The following ASIC2 variants were observed in gnomAD, a reference collection of about 807,000 sequenced individuals.
ASIC2 encodes the protein acid-sensing ion channel 2.
A neutral mutation model predicts 57.3 loss-of-function variants in ASIC2; 25 were observed. The observed-to-expected ratio is 0.44, with a 90% CI of 0.32 to 0.61. The LOEUF is 0.61. Ranked by LOEUF, ASIC2 falls within the 20% of genes least tolerant of loss-of-function variation. The pLI is 0.06. For missense variants in ASIC2, 641 were observed against 738.1 expected (o/e 0.87, Z 1.52); for synonymous variants, 319 against 307.5 (o/e 1.04, Z -0.39).
chr17:33,182,220 G>A (rs541001119), intron 1 of ASIC2, among the ~76,000 whole-genome samples: 2 of 152,274 alleles, frequency 1.3e-5, no homozygotes, highest in South Asian at 4.1e-4. Flanking sequence ...GGAAGGAACA[G>A]CCAATAGGAT....
At chr17:33,141,118 G>A (rs2092386059) in intron 1 of ASIC2, among the ~76,000 whole-genome samples, 2 of 152,182 alleles carry the variant, frequency 1.3e-5, no homozygotes, top group African/African-American at 2.4e-5. Flanking sequence ...TCTCGCATCA[G>A]AGAGTGAGTC....
At chr17:33,840,799 C>CCACACACACACACACACACACACA (rs10525634) in intron 1 of ASIC2, among the ~76,000 whole-genome samples, 5,804 of 147,336 alleles carry the variant, frequency 0.039, 124 homozygotes, top group Admixed American at 0.056. Flanking sequence ...CCTGGACACA[C>CCACACACACACACACACACACACA]CACACACACA....
intron 1 of ASIC2, among the ~76,000 whole-genome samples, chr17:33,524,110 G>C (rs1274769308): frequency 6.6e-6 from 1 of 152,164 alleles, no homozygotes. Flanking sequence ...TGGTGTCCTA[G>C]TCTGGCTGGG....
intron 1 of ASIC2, among the ~76,000 whole-genome samples, chr17:34,052,470 A>T (rs1194423847): frequency 6.6e-6 from 1 of 152,178 alleles, no homozygotes; most frequent in Non-Finnish European, 1.5e-5. Context: ...GGCGACGATT[A>T]CTTTGGACTG....
intron 1 of ASIC2, among the ~76,000 whole-genome samples, chr17:33,892,831 G>T (rs1244616366): frequency 6.6e-6 from 1 of 152,166 alleles, no homozygotes; most frequent in African/African-American, 2.4e-5. Context: ...GCCCCGAGCT[G>T]CCTGTGCTCC....
At chr17:34,068,393 G>T (rs1909253431) in intron 1 of ASIC2, among the ~76,000 whole-genome samples, 1 of 152,172 alleles carries the variant, frequency 6.6e-6, no homozygotes, top group South Asian at 2.1e-4. Context: ...CACCTTAGCA[G>T]GAGGAAGGGA....
chr17:33,330,616 C>G (rs1267341005), intron 1 of ASIC2, among the ~76,000 whole-genome samples: 2 of 152,188 alleles, frequency 1.3e-5, no homozygotes, highest in African/African-American at 2.4e-5. Flanking sequence ...AGACCTGTCT[C>G]TACGACTCTA....
At chr17:33,474,135 G>A (rs1409114524) in intron 1 of ASIC2, among the ~76,000 whole-genome samples, 2 of 152,168 alleles carry the variant, frequency 1.3e-5, no homozygotes, top group Non-Finnish European at 2.9e-5. Context: ...GGGAGGCTGA[G>A]GCAAGCGAAT....
At chr17:33,652,962 G>T (rs1906969188) in intron 1 of ASIC2, among the ~76,000 whole-genome samples, 1 of 152,158 alleles carries the variant, frequency 6.6e-6, no homozygotes. Context: ...CAAGAGATTT[G>T]GAATCCAATT....
At chr17:33,447,907 AG>A (rs1292288298) in intron 1 of ASIC2, among the ~76,000 whole-genome samples, 1 of 136,174 alleles carries the variant, frequency 7.3e-6, no homozygotes, top group Non-Finnish European at 1.6e-5. Flanking sequence ...AGCAAGACTC[AG>A]TCTCAAAAAA....
At chr17:33,465,372 C>CTTTTTTTTT (rs67424466) in intron 1 of ASIC2, among the ~76,000 whole-genome samples, 1 of 88,278 alleles carries the variant, frequency 1.1e-5, no homozygotes, top group African/African-American at 4.4e-5. Context: ...TTTTCTTTTT[C>CTTTTTTTTT]TTTTTTTTTT....
At chr17:33,688,369 TAA>T (rs1329219411) in intron 1 of ASIC2, among the ~76,000 whole-genome samples, 1 of 152,232 alleles carries the variant, frequency 6.6e-6, no homozygotes, top group Non-Finnish European at 1.5e-5. Flanking sequence ...CTACTACCAG[TAA>T]AAGTACTGAA....
chr17:34,131,167 G>GT (rs1323900624), intron 1 of ASIC2, among the ~76,000 whole-genome samples: 1 of 152,094 alleles, frequency 6.6e-6, no homozygotes, highest in Non-Finnish European at 1.5e-5. Flanking sequence ...TTTGCACCAT[G>GT]AAGAATTGGA....
intron 1 of ASIC2, among the ~76,000 whole-genome samples, chr17:33,822,859 G>A (rs1424614902): frequency 3.3e-5 from 5 of 152,154 alleles, no homozygotes; most frequent in African/African-American, 4.8e-5. Flanking sequence ...TTTAGGGCTC[G>A]CTCTGTTGAA....
At chr17:33,484,147 T>C (rs1490799650) in intron 1 of ASIC2, among the ~76,000 whole-genome samples, 1 of 152,248 alleles carries the variant, frequency 6.6e-6, no homozygotes, top group Non-Finnish European at 1.5e-5. Flanking sequence ...ACTTCTGACC[T>C]CCAGAACTAC....
chr17:33,670,829 A>G (rs1907617261), intron 1 of ASIC2, among the ~76,000 whole-genome samples: 1 of 152,218 alleles, frequency 6.6e-6, no homozygotes, highest in Non-Finnish European at 1.5e-5. Flanking sequence ...GAGTTTATCA[A>G]TTTTATTTTC....
intron 1 of ASIC2, among the ~76,000 whole-genome samples, chr17:33,148,977 C>A (rs1904674955): frequency 6.6e-6 from 1 of 151,926 alleles, no homozygotes; most frequent in African/African-American, 2.4e-5. Context: ...ACGTGTAGTC[C>A]CAGTTACTCA....
intron 1 of ASIC2, among the ~76,000 whole-genome samples, chr17:33,225,467 A>G (rs905783594): frequency 1.3e-5 from 2 of 152,262 alleles, no homozygotes; most frequent in African/African-American, 4.8e-5. Flanking sequence ...ATCTAGTCAG[A>G]AGTTAGTAAA....
At chr17:33,482,507 C>T (rs1234861379) in intron 1 of ASIC2, among the ~76,000 whole-genome samples, 2 of 152,206 alleles carry the variant, frequency 1.3e-5, no homozygotes, top group Non-Finnish European at 2.9e-5. Context: ...CCCATATTCT[C>T]GAGAAGTCAT....
Sources: allele counts gnomAD v4.1 joint callset (sites outside exome capture counted in the v4.1 genomes callset), GRCh38; gene constraint gnomAD v4.1.1; transcripts MANE v1.5; gene names NCBI Gene and HGNC (gene_info 2026-07-23, HGNC 2026-07-21).